The following SUMF2 variants were observed in gnomAD, a reference collection of about 807,000 sequenced individuals.
SUMF2 encodes inactive C-alpha-formylglycine-generating enzyme 2.
A neutral mutation model predicts 44.8 loss-of-function variants in SUMF2; 45 were observed. The observed-to-expected ratio is 1.00, with a 90% confidence interval of 0.79 to 1.29. The LOEUF is 1.29. Among genes scored for constraint, SUMF2 ranks in the 50% most tolerant of loss-of-function variants. The probability of loss-of-function intolerance (pLI) is 0.00; values close to 1 mark genes in which losing one functional copy is unlikely to be tolerated. For missense variants in SUMF2, 418 were observed against 389.9 expected (o/e 1.07, Z -0.61); for synonymous variants, 148 against 150.4 (o/e 0.98, Z 0.12).
At chr7:56,067,560 C>T (rs1164918768) in intron 1 of SUMF2, among the ~76,000 whole-genome samples, 2 of 152,024 alleles carry the variant, frequency 1.3e-5, no homozygotes, top group Admixed American at 6.6e-5. Flanking sequence ...TATTAATAAG[C>T]TATGGTCGTC....
the SUMF2 span, chr7:56,087,127 A>G: frequency 1.2e-6 from 1 of 835,208 alleles, no homozygotes. Flanking sequence ...GCTAACTTCA[A>G]AAGCTGACAG....
chr7:56,064,603 G>T (rs2117367521), intron 1 of SUMF2, among the ~76,000 whole-genome samples: 1 of 152,288 alleles, frequency 6.6e-6, no homozygotes, highest in East Asian at 1.9e-4. Flanking sequence ...GCCGGGCGCG[G>T]TGGCTCGAGC....
chr7:56,075,109 C>A (rs749108520), intron 5 of SUMF2, among the ~76,000 whole-genome samples: 2 of 150,860 alleles, frequency 1.3e-5, no homozygotes, highest in African/African-American at 2.4e-5. Context: ...AAAGAAAAAG[C>A]GGGGGGATGG....
In SUMF2 at chr7:56,080,418, C is replaced by A. The variant is rs1288659995; in HGVS notation, c.*806C>A. 1 of 159,038 alleles carries A rather than the reference C, an allele frequency of 6.3e-6. No homozygotes were observed. The highest frequency in any genetic ancestry group is 2.4e-5 in the African/African-American group (1 of 41,370). 9.9% of individuals were successfully genotyped at this position (159,038 alleles called of 1,614,324 possible). ...AGCTGGGACTACAAGTGTGCACCACCATGCCTGGCTAATTTTTTGAATTTT... is the reference window on the plus strand; with the variant it reads ...AGCTGGGACTACAAGTGTGCACCACAATGCCTGGCTAATTTTTTGAATTTT... On this transcript the variant is annotated 3_prime_UTR_variant, in exon 9 of 9. Coordinates refer to ENST00000434526, the MANE Select transcript of SUMF2 (RefSeq NM_015411.4).
At chr7:56,078,294 C>G in intron 7 of SUMF2, 70 bp from the exon 8 acceptor site, 1 of 1,560,424 alleles carries the variant, frequency 6.4e-7, no homozygotes, top group African/African-American at 1.4e-5. Flanking sequence ...ATTTGGCCCC[C>G]AGGACCTCAG....
intron 2 of SUMF2, 52 bp downstream of exon 2, chr7:56,068,690 T>A: frequency 6.4e-7 from 1 of 1,564,540 alleles, no homozygotes; most frequent in Non-Finnish European, 8.6e-7. Flanking sequence ...AATCTCATTC[T>A]TTTTTCTTTC....
chr7:56,076,733 C>T (rs1056867213), intron 5 of SUMF2, 101 bp from the exon 6 acceptor site: 21 of 1,100,402 alleles, frequency 1.9e-5, no homozygotes, highest in South Asian at 1.1e-4. Flanking sequence ...TTCTCATCAC[C>T]CTCTAACTTC....
At chr7:56,066,871 C>T (rs1215446024) in intron 1 of SUMF2, among the ~76,000 whole-genome samples, 1 of 152,212 alleles carries the variant, frequency 6.6e-6, no homozygotes, top group Non-Finnish European at 1.5e-5. Flanking sequence ...CTGCCCGCCT[C>T]GGCCTCCCAA....
downstream of SUMF2, chr7:56,082,221 CAG>C (rs752241091): frequency 1.1e-5 from 18 of 1,613,840 alleles, no homozygotes; most frequent in African/African-American, 2.7e-5. Flanking sequence ...TCGATAATCT[CAG>C]GGGCCAGGTA....
the SUMF2 span, among the ~76,000 whole-genome samples, chr7:56,086,475 G>GT: frequency 2.7e-4 from 41 of 151,722 alleles, no homozygotes; most frequent in African/African-American, 8.7e-4. Flanking sequence ...GAGTTTTGGG[G>GT]TTTTTTTTGT....
intron 5 of SUMF2, among the ~76,000 whole-genome samples, chr7:56,076,149 C>T (rs867232861): frequency 3.9e-5 from 6 of 152,128 alleles, no homozygotes; most frequent in Non-Finnish European, 7.3e-5. Context: ...GCCTCAGCCT[C>T]CCAAGTAGCT....
intron 2 of SUMF2, among the ~76,000 whole-genome samples, chr7:56,070,818 G>A (rs1473346694): frequency 2.0e-5 from 3 of 151,984 alleles, no homozygotes; most frequent in African/African-American, 2.4e-5. Context: ...ACTACTCATC[G>A]ATAAAAAGGG....
chr7:56,074,721 C>T lies in SUMF2; in HGVS notation c.520C>T (p.Arg174Ter), dbSNP rs779822437. 21 of 1,613,958 alleles carry T rather than the reference C, an allele frequency of 1.3e-5. No individual in the cohort carries two copies. Among genetic ancestry groups the T allele is most frequent in the South Asian group, 3.3e-5 (3 of 91,072 alleles). ...GGAGGAAGAGTGGGAGTTTGCCGCC[C>T]GAGGGGGCTTGAAGGGTATCCAGAT... ...PTEEEWEFAA[R>*]GGLKGQVYPW... The change falls in exon 5 of 9, where the codon CGA becomes TGA. Residue 174 changes from arginine (R) to a stop codon, truncating the protein, a stop_gained. Coordinates refer to ENST00000434526, the MANE Select transcript of SUMF2 (RefSeq NM_015411.4). LOFTEE classifies it high-confidence loss of function.
At chr7:56,074,309 A>G in intron 4 of SUMF2, 91 bp downstream of exon 4, 2 of 1,353,282 alleles carry the variant, frequency 1.5e-6, no homozygotes, top group South Asian at 2.4e-5. Flanking sequence ...TACATCCAGG[A>G]ACACTGAGTT....
At chr7:56,076,778 TC>T in intron 5 of SUMF2, 55 bp from the exon 6 acceptor site, 1 of 1,492,206 alleles carries the variant, frequency 6.7e-7, no homozygotes, top group East Asian at 2.4e-5. Flanking sequence ...TGTTCTTTTT[TC>T]CTTCCCTAAT....
Position 56,074,830 on chromosome 7 carries a change from G to T in SUMF2, c.535+94G>T, listed in dbSNP as rs1199835537. 11 of 1,489,958 alleles carry T rather than the reference G, an allele frequency of 7.4e-6. No individual in the cohort carries two copies. In the Admixed American group the frequency reaches 1.5e-4, roughly 20 times the overall value. 92.3% of individuals were successfully genotyped at this position (1,489,958 alleles called of 1,614,324 possible). On this transcript the variant is annotated intron_variant, in intron 5 of 8. Transcript: ENST00000434526. Reference sequence around the variant, plus strand: ...GGGTGGAAAGGGGCTGGGCGCAGTGGCTTATGCCTGTAATCCCAACACTTT... The same window carrying T: ...GGGTGGAAAGGGGCTGGGCGCAGTGTCTTATGCCTGTAATCCCAACACTTT...
the SUMF2 span, among the ~76,000 whole-genome samples, chr7:56,085,845 G>T: frequency 6.6e-6 from 1 of 151,732 alleles, no homozygotes; most frequent in East Asian, 1.9e-4. Flanking sequence ...ATGGTGGTGG[G>T]TGCCTGTAAT....
At position 56,079,953 on chromosome 7, in the gene SUMF2, C is replaced by T; in HGVS notation, c.*341C>T. ...TAAGCATTTTAAAATCTATTCTCTC[C>T]CCCTTTCTCCCTGGATGATTCAGGA... On this transcript the variant is annotated 3_prime_UTR_variant, in exon 9 of 9. Coordinates refer to ENST00000434526, the MANE Select transcript of SUMF2 (RefSeq NM_015411.4). 1 of 1,226,796 alleles carries T rather than the reference C, an allele frequency of 8.2e-7. No individual in the cohort carries two copies. 76.0% of individuals were successfully genotyped at this position (1,226,796 alleles called of 1,614,324 possible).
the SUMF2 span, among the ~76,000 whole-genome samples, chr7:56,086,134 C>T: frequency 2.6e-5 from 4 of 151,760 alleles, no homozygotes; most frequent in Admixed American, 2.6e-4. Flanking sequence ...ACATGCTTTC[C>T]TGACCACTCG....
Sources: gnomAD v4.1 joint callset for allele counts (sites outside exome capture counted in the v4.1 genomes callset) on GRCh38, gnomAD v4.1.1 for gene constraint, MANE v1.5 for transcripts, NCBI Gene and HGNC (gene_info 2026-07-23, HGNC 2026-07-21) for gene names.